The following NAV3 variants were observed in gnomAD, a reference collection of about 807,000 sequenced individuals.
The protein encoded by NAV3 is neuron navigator 3, also known as pore membrane and/or filament interacting like protein 1.
In NAV3, 87 loss-of-function variants were observed where a neutral mutation model predicts 244.7. The observed-to-expected ratio is 0.36, with a 90% CI of 0.30 to 0.42. The LOEUF (loss-of-function observed/expected upper bound fraction) is 0.42, where lower values mean the gene tolerates loss of function less well. NAV3 is among the 20% of genes least tolerant of loss of function. The pLI, the probability that NAV3 is intolerant of heterozygous loss-of-function variation, is 1.00. For synonymous variants in NAV3, 1,126 were observed against 1,042.2 expected, an observed-to-expected ratio of 1.08 and a Z score of -1.55; for missense variants, 2,663 against 2,893.3, an observed-to-expected ratio of 0.92 and a Z score of 1.83.
intron 1 of NAV3, among the ~76,000 whole-genome samples, chr12:77,922,349 C>T (rs966342469): frequency 3.9e-5 from 6 of 152,054 alleles, no homozygotes; most frequent in Non-Finnish European, 2.9e-5. Flanking sequence ...CATCTCCTAA[C>T]AGCTTTTCGG....
intron 2 of NAV3, among the ~76,000 whole-genome samples, chr12:77,822,817 A>C (rs1272243286): frequency 4.5e-4 from 68 of 152,160 alleles, no homozygotes; most frequent in Non-Finnish European, 1.5e-5. Context: ...TACCTGGATG[A>C]AGGATAATTT....
Position 77,746,483 on chromosome 12 carries a change from A to G in NAV3, c.72+174217A>G, listed in dbSNP as rs1156648891. Among the ~76,000 whole-genome samples the G allele has an allele frequency of 3.3e-5, 5 of 152,204 alleles. No homozygotes were observed. In the South Asian group the frequency reaches 1.0e-3, roughly 32 times the overall value. ...TCAATCTACCTACAAGTACATCTAT[A>G]TGTGTGCATATATGTATGTGTATAC... On this transcript the variant is annotated intron_variant, in intron 2 of 8. Coordinates refer to the NAV3 transcript ENST00000550042.
At chr12:77,757,104 C>G (rs896894521) in intron 2 of NAV3, among the ~76,000 whole-genome samples, 11 of 152,134 alleles carry the variant, frequency 7.2e-5, no homozygotes, top group Admixed American at 2.6e-4. Flanking sequence ...CTCTTAAAGT[C>G]TTTTTCATCC....
chr12:77,804,029 C>T (rs2135979269), intron 2 of NAV3, among the ~76,000 whole-genome samples: 1 of 151,886 alleles, frequency 6.6e-6, no homozygotes, highest in East Asian at 2.0e-4. Flanking sequence ...TGGATATTAG[C>T]CCTTTGTCAG....
chr12:77,688,432 A>G (rs1362042474), intron 2 of NAV3, among the ~76,000 whole-genome samples: 1 of 152,064 alleles, frequency 6.6e-6, no homozygotes, highest in South Asian at 2.1e-4. Flanking sequence ...AAGTACCATG[A>G]GGATGAGGAT....
intron 2 of NAV3, among the ~76,000 whole-genome samples, chr12:77,645,168 A>G (rs1872560775): frequency 6.6e-6 from 1 of 152,124 alleles, no homozygotes. Context: ...ATTAAAAGAG[A>G]TGGTAAAACA....
Position 78,122,154 on chromosome 12 carries a change from G to C in NAV3, c.3964G>C (p.Val1322Leu). The C allele has an allele frequency of 6.2e-7, 1 of 1,614,146 alleles. No homozygotes were observed. The part of the protein sequence containing the change: ...FNKPSDLTTD[V>L]ISLSHSLASS... ...TAAACCCTCAGACTTAACTACAGAT[G>C]TTATAAGCTTAAGTCACTCGTTGGC... is the stretch of plus-strand genomic sequence containing the variant. The change falls in exon 16 of 40, where the codon GTT (valine) becomes CTT (leucine). Residue 1322 changes from valine (V) to leucine (L), a missense_variant. Coordinates refer to ENST00000397909, the MANE Select transcript of NAV3 (RefSeq NM_001024383.2).
chr12:78,031,738 G>A (rs1194483765), intron 9 of NAV3, among the ~76,000 whole-genome samples: 4 of 116,690 alleles, frequency 3.4e-5, no homozygotes, highest in African/African-American at 9.9e-5. Flanking sequence ...ACTGTGGTGG[G>A]GTGGGGGGAG....
intron 2 of NAV3, among the ~76,000 whole-genome samples, chr12:77,592,835 G>A (rs1157488753): frequency 6.6e-6 from 1 of 152,144 alleles, no homozygotes; most frequent in South Asian, 2.1e-4. Flanking sequence ...ATACAGTGGC[G>A]TATTTTTGTT....
intron 12 of NAV3, among the ~76,000 whole-genome samples, chr12:78,060,756 G>A (rs930789430): frequency 2.0e-5 from 3 of 152,144 alleles, no homozygotes; most frequent in Admixed American, 2.0e-4. Flanking sequence ...AGTGATAAGA[G>A]GGAAAGAATC....
intron 2 of NAV3, among the ~76,000 whole-genome samples, chr12:77,662,111 G>A (rs552017449): frequency 6.6e-6 from 1 of 151,976 alleles, no homozygotes; most frequent in African/African-American, 2.4e-5. Context: ...CAGAGATTCT[G>A]TTGAATTTGT....
chr12:77,925,018 T>G (rs1888055031), intron 1 of NAV3, among the ~76,000 whole-genome samples: 1 of 152,098 alleles, frequency 6.6e-6, no homozygotes, highest in African/African-American at 2.4e-5. Context: ...CCAGAATTTC[T>G]GACTCCAGGC....
upstream of NAV3, among the ~76,000 whole-genome samples, chr12:77,829,257 A>G (rs974184542): frequency 2.6e-5 from 4 of 152,218 alleles, no homozygotes; most frequent in African/African-American, 7.2e-5. Flanking sequence ...TCTTCCACCA[A>G]TTCTGGTTAA....
intron 2 of NAV3, among the ~76,000 whole-genome samples, chr12:77,616,990 T>A (rs1182811440): frequency 6.6e-6 from 1 of 152,182 alleles, no homozygotes; most frequent in Non-Finnish European, 1.5e-5. Flanking sequence ...CGCTATAGCA[T>A]TGACATGATA....
intron 2 of NAV3, among the ~76,000 whole-genome samples, chr12:77,702,757 T>C (rs1240027420): frequency 1.3e-5 from 2 of 152,014 alleles, no homozygotes; most frequent in Non-Finnish European, 2.9e-5. Flanking sequence ...GAAATTCCAC[T>C]ATACAATATT....
chr12:78,178,113 T>C (rs1312828716), intron 28 of NAV3, among the ~76,000 whole-genome samples: 1 of 151,900 alleles, frequency 6.6e-6, no homozygotes, highest in Non-Finnish European at 1.5e-5. Context: ...AACAATATTT[T>C]CTGATAATAG....
At chr12:78,145,657 G>T (rs1294740652) in intron 20 of NAV3, among the ~76,000 whole-genome samples, 1 of 152,118 alleles carries the variant, frequency 6.6e-6, no homozygotes, top group Non-Finnish European at 1.5e-5. Context: ...TGGAAGTCAA[G>T]TCAAAAACAC....
At chr12:77,913,877 C>T (rs1444900037) in intron 1 of NAV3, among the ~76,000 whole-genome samples, 1 of 152,018 alleles carries the variant, frequency 6.6e-6, no homozygotes, top group Non-Finnish European at 1.5e-5. Flanking sequence ...GTGCTTGATA[C>T]TTTTTCAGTC....
rs182124822 is a variant in NAV3 at position 78,211,858 on chromosome 12, G to A, written c.*1341G>A. On this transcript the variant is annotated 3_prime_UTR_variant, in exon 40 of 40. Transcript: ENST00000397909. ...CTGTGGAAGAGGAAGCGTTTATACTGTAAAAGAAGGTTAGATTTGCACAGT... is the reference window on the plus strand; with the variant it reads ...CTGTGGAAGAGGAAGCGTTTATACTATAAAAGAAGGTTAGATTTGCACAGT... The A allele has an allele frequency of 2.6e-5, 4 of 152,666 alleles. No individual in the cohort carries two copies. In the East Asian group the frequency reaches 7.7e-4, roughly 30 times the overall value. 9.5% of individuals were successfully genotyped at this position (152,666 alleles called of 1,614,324 possible).
Sources: gnomAD v4.1 joint callset for allele counts (sites outside exome capture counted in the v4.1 genomes callset) on GRCh38, gnomAD v4.1.1 for gene constraint, MANE v1.5 for transcripts, NCBI Gene and HGNC (gene_info 2026-07-23, HGNC 2026-07-21) for gene names.